FLG: variants seen among roughly 807,000 people sequenced by gnomAD.
FLG encodes filaggrin, also known as epidermal filaggrin.
FLG carries 6 observed loss-of-function variants against 3.8 expected under a neutral mutation model. That is an observed-to-expected ratio of 1.60 (90% CI 0.87 to 3.15). The LOEUF is 3.15. Ranked by LOEUF, FLG falls within the 30% of genes most tolerant of loss-of-function variation. The probability of loss-of-function intolerance (pLI) is 0.00; values close to 1 mark genes in which losing one functional copy is unlikely to be tolerated. For missense variants in FLG, 7,595 were observed against 5,050.9 expected (o/e 1.50, Z -15.27); for synonymous variants, 2,551 against 1,931.6 (o/e 1.32, Z -8.41).
Position 152,314,554 on chromosome 1 carries a change from T to C in FLG, c.332A>G (p.Glu111Gly). The C allele has an allele frequency of 1.2e-6, 2 of 1,613,950 alleles. No individual in the cohort carries two copies. Among genetic ancestry groups the C allele is most frequent in the Admixed American group, 3.3e-5 (2 of 60,030 alleles). The change falls in exon 3 of 3, where the codon GAA becomes GGA. Residue 111 changes from glutamate (E) to glycine (G), a missense_variant. Glu to Gly is a moderately conservative substitution (Grantham distance 98). Coordinates refer to ENST00000368799, the MANE Select transcript of FLG (RefSeq NM_002016.2). ...HRKHSHHDKH[E>G]DNKQEENKEN... is the part of the protein sequence containing the mutation. ...TTTGTTTTCTTCCTGTTTATTATCTTCATGTTTATCATGATGACTGTGCTT... is the reference window on the plus strand; with the variant it reads ...TTTGTTTTCTTCCTGTTTATTATCTCCATGTTTATCATGATGACTGTGCTT...
In FLG at chr1:152,305,769, G is replaced by A; in HGVS notation, c.9117C>T (p.Ser3039=). 9.0e-7 allele frequency: 1 copy of A among 1,112,876 alleles called. No individual in the cohort carries two copies. The highest frequency in any genetic ancestry group is 1.2e-6 in the Non-Finnish European group (1 of 811,458). 68.9% of individuals were successfully genotyped at this position (1,112,876 alleles called of 1,614,324 possible). A position where few individuals can be genotyped will look rare whatever the true frequency, so the allele number is the denominator to read the frequency against. Residue 3039 remains serine, a synonymous_variant, in exon 3 of 3, where the codon TCC becomes TCT. Coordinates refer to ENST00000368799, the MANE Select transcript of FLG (RefSeq NM_002016.2). ...QSVSAHGQAG[S]HQQSHQESAR... is the part of the protein sequence containing the mutation. ...CGGACTCTTGGTGGCTCTGCTGATG[G>A]GACCCAGCCTGTCCGTGGGCTGACA... is the stretch of plus-strand genomic sequence containing the variant.
chr1:152,307,010 A>G lies in FLG; in HGVS notation c.7876T>C (p.Ser2626Pro), dbSNP rs1652015558. ...HGHSADSSRQ[S>P]GTRHTQTSSG... The stretch of plus-strand genomic sequence containing the variant: ...GAAGTCTGTGTGTGACGAGTGCCTG[A>G]TTGTCTGGAGCTGTCTGCAGAGTGC... The change falls in exon 3 of 3, where the codon TCA becomes CCA. Residue 2626 changes from serine (S) to proline (P), a missense_variant. Transcript: ENST00000368799. 1 of 1,592,676 alleles carries G rather than the reference A, an allele frequency of 6.3e-7. No individual in the cohort carries two copies.
rs546421276 is a variant in FLG at position 152,311,695 on chromosome 1, C to G, written c.3191G>C (p.Trp1064Ser). 4.3e-6 allele frequency: 7 copies of G among 1,614,042 alleles called. No individual in the cohort carries two copies. In the South Asian group the frequency reaches 6.6e-5, roughly 15 times the overall value. ...ACTGGCCTGACTACCACTGGACCCC[C>G]AGTGTCCACTGTCTCTGACTGCAGA... Reference protein sequence around the residue: ...ASSAVRDSGHWGSSGSQASDS... With the variant: ...ASSAVRDSGHSGSSGSQASDS... The change falls in exon 3 of 3, where the codon TGG (tryptophan) becomes TCG (serine). Residue 1064 changes from tryptophan (W) to serine (S), a missense_variant. Trp to Ser is a radical substitution (Grantham distance 177). Coordinates refer to ENST00000368799, the MANE Select transcript of FLG (RefSeq NM_002016.2).
Position 152,308,109 on chromosome 1 carries a change from C to A in FLG, c.6777G>T (p.Arg2259=). The A allele has an allele frequency of 6.2e-7, 1 of 1,614,074 alleles. No individual in the cohort carries two copies. The highest frequency in any genetic ancestry group is 8.5e-7 in the Non-Finnish European group (1 of 1,179,998). The change falls in exon 3 of 3, where the codon CGG becomes CGT. Residue 2259 remains arginine (R), a synonymous_variant. Transcript: ENST00000368799. Reference sequence around the variant, plus strand: ...GATGGTTTCTGGACGCAGACCCAGACCGCCTCTCAGAATCTTCTGAGTGTC... The same window carrying A: ...GATGGTTTCTGGACGCAGACCCAGAACGCCTCTCAGAATCTTCTGAGTGTC... ...SEGHSEDSER[R]SGSASRNHHG...
In FLG at chr1:152,311,676, C is replaced by T. The variant is rs143971844; in HGVS notation, c.3210G>A (p.Gln1070=). The change falls in exon 3 of 3, where the codon CAG becomes CAA. Residue 1070 remains glutamine (Q), a synonymous_variant. Transcript: ENST00000368799. ...CTGAATGTCCCTCACTATCACTGGC[C>T]TGACTACCACTGGACCCCCAGTGTC... is the stretch of plus-strand genomic sequence containing the variant. ...DSGHWGSSGS[Q]ASDSEGHSEE... is the part of the protein sequence containing the mutation. 6.2e-6 allele frequency: 10 copies of T among 1,613,980 alleles called. No individual in the cohort carries two copies. Among genetic ancestry groups the T allele is most frequent in the African/African-American group, 2.7e-5 (2 of 74,906 alleles).
intron 1 of FLG, among the ~76,000 whole-genome samples, chr1:152,316,166 G>C (rs954223818): frequency 6.6e-6 from 1 of 152,042 alleles, no homozygotes; most frequent in Non-Finnish European, 1.5e-5. Flanking sequence ...AACTTTATTA[G>C]GACTTACAAA....
intron 2 of FLG, 93 bp downstream of exon 2, chr1:152,315,226 G>T (rs1652740629): frequency 1.6e-6 from 2 of 1,216,404 alleles, no homozygotes; most frequent in Admixed American, 1.9e-5. Context: ...TATTTTAAGA[G>T]AAATAGTTCA....
rs1364492847 is a variant in FLG, at chr1:152,305,043, A to C, written c.9843T>G (p.Thr3281=). The part of the protein sequence containing the change: ...SRQSGTRHAE[T]SSGGQAASSH... The stretch of plus-strand genomic sequence containing the variant: ...ATGATGCAGCCTGTCCACCAGAGGA[A>C]GTCTCTGCGTGACGAGTGCCTGATT... The change falls in exon 3 of 3, where the codon ACT becomes ACG. Residue 3281 remains threonine, a synonymous_variant. Transcript: ENST00000368799. 1 of 1,613,970 alleles carries C rather than the reference A, an allele frequency of 6.2e-7. No individual in the cohort carries two copies. The highest frequency in any genetic ancestry group is 1.3e-5 in the African/African-American group (1 of 75,004).
chr1:152,323,454 A>C (rs1653045516), intron 1 of FLG, among the ~76,000 whole-genome samples: 1 of 151,790 alleles, frequency 6.6e-6, no homozygotes, highest in Admixed American at 6.6e-5. Flanking sequence ...AATAAAAAAT[A>C]CAGTTAACTC....
chr1:152,309,700 G>T lies in FLG; in HGVS notation c.5186C>A (p.Ser1729Ter). 1 of 1,614,004 alleles carries T rather than the reference G, an allele frequency of 6.2e-7. No individual in the cohort carries two copies. The highest frequency in any genetic ancestry group is 8.5e-7 in the Non-Finnish European group (1 of 1,180,002). ...ASDSEGHSEE[S>*]DTQSVSAHGQ... is the part of the protein sequence containing the mutation. ...GTGGGCTGACACTGACTGTGTGTCT[G>T]ACTCTTCTGAGTGTCCCTCGCTGTC... is the stretch of plus-strand genomic sequence containing the variant. Residue 1729 changes from serine (S) to a stop codon, truncating the protein, a stop_gained, in exon 3 of 3, where the codon TCA (serine) becomes TAA (stop). Transcript: ENST00000368799. LOFTEE classifies it low-confidence loss of function (END_TRUNC).
rs993586993 is a variant in FLG at position 152,314,834 on chromosome 1, G to A, written c.139-87C>T. On this transcript the variant is annotated intron_variant, in intron 2 of 2. Coordinates refer to ENST00000368799, the MANE Select transcript of FLG (RefSeq NM_002016.2). ...AATTCAAAGTTAATTTAAGGAACCT[G>A]ATCTTTGAGTATTAAAAAGTGGGAC... is the stretch of plus-strand genomic sequence containing the variant. 5.2e-6 allele frequency: 8 copies of A among 1,532,918 alleles called. No individual in the cohort carries two copies. The African/African-American group carries it at 6.9e-5, about 13-fold the overall frequency. The allele number at this position is 1,532,918 out of a possible 1,614,324, so 95.0% of individuals were successfully genotyped here.
chr1:152,312,202 G>A lies in FLG; in HGVS notation c.2684C>T (p.Thr895Ile). 1 of 1,601,766 alleles carries A rather than the reference G, an allele frequency of 6.2e-7. No individual in the cohort carries two copies. Among genetic ancestry groups the A allele is most frequent in the Non-Finnish European group, 8.5e-7 (1 of 1,178,368 alleles). ...TCTTGATTGTTCCTCATTACGTGTTGTTCTGCTTGCACTTCTGGATCCTGA... is the reference window on the plus strand; with the variant it reads ...TCTTGATTGTTCCTCATTACGTGTTATTCTGCTTGCACTTCTGGATCCTGA... ...GQSGSRSASR[T>I]TRNEEQSRDG... The change falls in exon 3 of 3, where the codon ACA (threonine) becomes ATA (isoleucine). Residue 895 changes from threonine (T) to isoleucine (I), a missense_variant. Physicochemically the swap from Thr to Ile is moderately conservative, Grantham distance 89. Coordinates refer to ENST00000368799, the MANE Select transcript of FLG (RefSeq NM_002016.2).
rs201283914 is a variant in FLG at position 152,312,687 on chromosome 1, T to C, written c.2199A>G (p.Ala733=). ...ACCCTCGGTGTCCACTGTCTCTGAC[T>C]GCAGATGAAGCTTGTCCGTGCCCAG... The part of the protein sequence containing the change: ...SGTGHGQASS[A]VRDSGHRGSS... The change falls in exon 3 of 3, where the codon GCA becomes GCG. Residue 733 remains alanine (A), a synonymous_variant. Coordinates refer to ENST00000368799, the MANE Select transcript of FLG (RefSeq NM_002016.2). The C allele has an allele frequency of 7.0e-5, 113 of 1,614,016 alleles. 1 individual carries two copies. The East Asian group carries it at 2.2e-3, about 32-fold the overall frequency.
rs199569421 is a variant in FLG at position 152,305,022 on chromosome 1, T to C, written c.9864A>G (p.Ala3288=). 5.2e-5 allele frequency: 84 copies of C among 1,613,840 alleles called. No homozygotes were observed. The East Asian group carries it at 8.5e-4, about 16-fold the overall frequency. ...HAETSSGGQA[A]SSHEQARSSP... ...TTGATCTTGCCTGTTCATGGGATGA[T>C]GCAGCCTGTCCACCAGAGGAAGTCT... The change falls in exon 3 of 3, where the codon GCA becomes GCG. Residue 3288 remains alanine, a synonymous_variant. Coordinates refer to ENST00000368799, the MANE Select transcript of FLG (RefSeq NM_002016.2).
Position 152,302,814 on chromosome 1 carries a change from A to T in FLG, c.12072T>A (p.His4024Gln). ...ICKASAFGKD[H>Q]PRYYATYINK... Reference sequence around the variant, plus strand: ...TAATATACGTTGCATAATACCTTGGATGATCTTTACCAAACGCACTTGCTT... The same window carrying T: ...TAATATACGTTGCATAATACCTTGGTTGATCTTTACCAAACGCACTTGCTT... Residue 4024 changes from histidine (H) to glutamine (Q), a missense_variant, in exon 3 of 3, where the codon CAT becomes CAA. Transcript: ENST00000368799. 1 of 1,614,204 alleles carries T rather than the reference A, an allele frequency of 6.2e-7. No individual in the cohort carries two copies.
Position 152,305,974 on chromosome 1 carries a change from C to G in FLG, c.8912G>C (p.Arg2971Thr), listed in dbSNP as rs754300571. 2 of 1,560,306 alleles carry G rather than the reference C, an allele frequency of 1.3e-6. No homozygotes were observed. Among genetic ancestry groups the G allele is most frequent in the Admixed American group, 1.7e-5 (1 of 58,682 alleles). Residue 2971 changes from arginine (R) to threonine (T), a missense_variant, in exon 3 of 3, where the codon AGA becomes ACA. Transcript: ENST00000368799. The stretch of plus-strand genomic sequence containing the variant: ...TCCATGTCTTTCTCCTGCACTTGAT[C>G]TTGCCTGTTCATGGGATGATGCAGC... Reference protein sequence around the residue: ...GQAASSHEQARSSAGERHGSH... With the variant: ...GQAASSHEQATSSAGERHGSH...
In FLG at chr1:152,308,416, G is replaced by C. The variant is rs761306814; in HGVS notation, c.6470C>G (p.Ser2157Trp). ...CCCTGAGTGTCCAGACCTATCTACC[G>C]ATTGCTCTTGGTGGGACCCCTGTCT... ...GGRQGSHQEQ[S>W]VDRSGHSGSH... Residue 2157 changes from serine to tryptophan, a missense_variant, in exon 3 of 3, where the codon TCG becomes TGG. Transcript: ENST00000368799. 1 of 1,613,784 alleles carries C rather than the reference G, an allele frequency of 6.2e-7. No homozygotes were observed. The highest frequency in any genetic ancestry group is 8.5e-7 in the Non-Finnish European group (1 of 1,179,886).
Position 152,313,483 on chromosome 1 carries a change from G to A in FLG, c.1403C>T (p.Ser468Phe), listed in dbSNP as rs771842830. ...TTCATGAGTGCTCACCTGGTAGAGGGAAGACCCTGAACGTCCAGACCGTTC... is the reference window on the plus strand; with the variant it reads ...TTCATGAGTGCTCACCTGGTAGAGGAAAGACCCTGAACGTCCAGACCGTTC... ...SGERSGRSGSSLYQVSTHEQP... is the reference protein window; with the variant it reads ...SGERSGRSGSFLYQVSTHEQP... The change falls in exon 3 of 3, where the codon TCC (serine) becomes TTC (phenylalanine). Residue 468 changes from serine (S) to phenylalanine (F), a missense_variant. Ser to Phe is a radical substitution (Grantham distance 155). Coordinates refer to ENST00000368799, the MANE Select transcript of FLG (RefSeq NM_002016.2). 20 of 1,613,644 alleles carry A rather than the reference G, an allele frequency of 1.2e-5. No individual in the cohort carries two copies. In the Admixed American group the frequency reaches 2.0e-4, roughly 16 times the overall value.
rs776603551 is a variant in FLG, at chr1:152,303,634, G to T, written c.11252C>A (p.Ser3751Tyr). The change falls in exon 3 of 3, where the codon TCC (serine) becomes TAC (tyrosine). Residue 3751 changes from serine to tyrosine, a missense_variant. Ser to Tyr is a moderately radical substitution (Grantham distance 144). Coordinates refer to ENST00000368799, the MANE Select transcript of FLG (RefSeq NM_002016.2). ...ACGAATGGTGTCCTGACCCTCTTGG[G>T]ACGCTGAGTGCCTGGAGCTGTCTCG... ...QARDSSRHSA[S>Y]QEGQDTIRGH... 6.2e-7 allele frequency: 1 copy of T among 1,614,030 alleles called. No homozygotes were observed. Among genetic ancestry groups the T allele is most frequent in the East Asian group, 2.2e-5 (1 of 44,860 alleles).
Sources: allele counts gnomAD v4.1 joint callset (sites outside exome capture counted in the v4.1 genomes callset), GRCh38; gene constraint gnomAD v4.1.1; transcripts MANE v1.5; gene names NCBI Gene and HGNC (gene_info 2026-07-23, HGNC 2026-07-21).